The following ELMO1 variants were observed in gnomAD, a reference collection of about 807,000 sequenced individuals.
The protein encoded by ELMO1 is engulfment and cell motility protein 1.
A neutral mutation model predicts 98.9 loss-of-function variants in ELMO1; 26 were observed. The observed-to-expected ratio is 0.26, with a 90% confidence interval of 0.19 to 0.36. The LOEUF (loss-of-function observed/expected upper bound fraction) is 0.36, where lower values mean the gene tolerates loss of function less well. ELMO1 is among the 10% of genes least tolerant of loss of function. ELMO1 has a pLI of 1.00. For missense variants in ELMO1, 627 were observed against 935.2 expected, an observed-to-expected ratio of 0.67 and a Z score of 4.30; for synonymous variants, 346 against 346.0, an observed-to-expected ratio of 1.00 and a Z score of 0.00.
chr7:37,171,476 CCTTT>C (rs977932077), intron 13 of ELMO1, among the ~76,000 whole-genome samples: 1 of 108,320 alleles, frequency 9.2e-6, no homozygotes, highest in African/African-American at 3.2e-5. Flanking sequence ...TGTAACCAGG[CCTTT>C]CTATTTTTTT....
intron 1 of ELMO1, among the ~76,000 whole-genome samples, chr7:37,409,846 T>C (rs1803922777): frequency 6.6e-6 from 1 of 152,216 alleles, no homozygotes. Context: ...TATTGCTAGA[T>C]GGCAGGAGTT....
intron 15 of ELMO1, among the ~76,000 whole-genome samples, chr7:37,033,914 ACT>A (rs1433300954): frequency 1.3e-5 from 2 of 152,108 alleles, no homozygotes; most frequent in African/African-American, 2.4e-5. Context: ...TTAGCTAGTA[ACT>A]CTCTCAATTA....
At chr7:37,188,151 T>C (rs910164433) in intron 13 of ELMO1, among the ~76,000 whole-genome samples, 10 of 152,056 alleles carry the variant, frequency 6.6e-5, no homozygotes, top group Non-Finnish European at 1.2e-4. Flanking sequence ...AATAACTTTT[T>C]AAAGAGAGGA....
chr7:37,240,712 C>A (rs1223463825), intron 7 of ELMO1, among the ~76,000 whole-genome samples: 1 of 152,126 alleles, frequency 6.6e-6, no homozygotes, highest in Non-Finnish European at 1.5e-5. Flanking sequence ...ATAATTTCAA[C>A]TGAGTTATTC....
At chr7:37,086,108 C>T (rs1004596541) in intron 15 of ELMO1, among the ~76,000 whole-genome samples, 3 of 152,210 alleles carry the variant, frequency 2.0e-5, no homozygotes, top group African/African-American at 7.2e-5. Context: ...GACACCACTT[C>T]CAGATGGAGC....
chr7:37,023,872 C>T (rs973052436), intron 15 of ELMO1, among the ~76,000 whole-genome samples: 1 of 152,166 alleles, frequency 6.6e-6, no homozygotes, highest in African/African-American at 2.4e-5. Flanking sequence ...GCATGAGCCA[C>T]CGGCCTATGA....
chr7:37,377,522 C>T (rs137962375), intron 1 of ELMO1, among the ~76,000 whole-genome samples: 12 of 152,214 alleles, frequency 7.9e-5, no homozygotes, highest in East Asian at 5.8e-4. Flanking sequence ...CCCCTCTCAA[C>T]GCTCTCTGGT....
intron 16 of ELMO1, among the ~76,000 whole-genome samples, chr7:36,977,667 C>T (rs1322372885): frequency 6.6e-6 from 1 of 152,238 alleles, no homozygotes. Flanking sequence ...AGGATAGCTA[C>T]ACCTCTTGAA....
intron 14 of ELMO1, among the ~76,000 whole-genome samples, chr7:37,119,304 C>T (rs1462903682): frequency 6.6e-6 from 1 of 152,182 alleles, no homozygotes; most frequent in Non-Finnish European, 1.5e-5. Context: ...TCTTTATCTT[C>T]CCATGTCTGG....
At chr7:37,305,378 G>A (rs377655374) in intron 4 of ELMO1, among the ~76,000 whole-genome samples, 28 of 152,038 alleles carry the variant, frequency 1.8e-4, no homozygotes, top group South Asian at 8.3e-4. Context: ...GGGACCAGAC[G>A]GTCTCTGTTC....
intron 16 of ELMO1, among the ~76,000 whole-genome samples, chr7:36,901,558 G>A (rs777619815): frequency 1.2e-4 from 18 of 152,204 alleles, no homozygotes; most frequent in Non-Finnish European, 1.9e-4. Flanking sequence ...GCCTGCAGCA[G>A]TAGCTTGCCA....
At chr7:37,087,204 T>C (rs1783836128) in intron 15 of ELMO1, among the ~76,000 whole-genome samples, 1 of 152,224 alleles carries the variant, frequency 6.6e-6, no homozygotes, top group African/African-American at 2.4e-5. Flanking sequence ...CCACATTAGC[T>C]TATCCTTTGC....
intron 16 of ELMO1, among the ~76,000 whole-genome samples, chr7:37,001,024 G>A (rs1038466192): frequency 2.6e-5 from 4 of 151,774 alleles, no homozygotes; most frequent in African/African-American, 9.7e-5. Flanking sequence ...AGTTTCTTTT[G>A]CAAAAGTTCA....
At chr7:36,884,792 G>A (rs561253419) in intron 18 of ELMO1, among the ~76,000 whole-genome samples, 5 of 152,288 alleles carry the variant, frequency 3.3e-5, no homozygotes, top group African/African-American at 1.2e-4. Flanking sequence ...GGAGCTGTAA[G>A]TTCTTTCATA....
chr7:37,430,806 T>C (rs1197713239), intron 1 of ELMO1, among the ~76,000 whole-genome samples: 3 of 152,224 alleles, frequency 2.0e-5, no homozygotes, highest in Non-Finnish European at 4.4e-5. Context: ...TTTCCATCTA[T>C]ACAAGAGGAA....
At chr7:37,357,023 GACCA>G (rs1351744798) in intron 1 of ELMO1, among the ~76,000 whole-genome samples, 1 of 152,062 alleles carries the variant, frequency 6.6e-6, no homozygotes, top group Non-Finnish European at 1.5e-5. Flanking sequence ...TACACAGACA[GACCA>G]ATAAGAATCT....
At chr7:37,350,450 A>G (rs1445795274) in intron 1 of ELMO1, among the ~76,000 whole-genome samples, 2 of 152,216 alleles carry the variant, frequency 1.3e-5, no homozygotes, top group African/African-American at 2.4e-5. Context: ...AGCTGCCAGA[A>G]GGAGTGGCAG....
intron 16 of ELMO1, among the ~76,000 whole-genome samples, chr7:37,008,583 C>G (rs1404128580): frequency 6.6e-6 from 1 of 152,134 alleles, no homozygotes; most frequent in East Asian, 1.9e-4. Context: ...AAAGAACACT[C>G]CACAACTACA....
At chr7:37,320,995 AT>A (rs997125848) in intron 2 of ELMO1, among the ~76,000 whole-genome samples, 1 of 152,232 alleles carries the variant, frequency 6.6e-6, no homozygotes, top group Admixed American at 6.5e-5. Context: ...TAGGCAATTC[AT>A]GGCTTGGAAG....
Sources: gnomAD v4.1 joint callset for allele counts (sites outside exome capture counted in the v4.1 genomes callset) on GRCh38, gnomAD v4.1.1 for gene constraint, MANE v1.5 for transcripts, NCBI Gene and HGNC (gene_info 2026-07-23, HGNC 2026-07-21) for gene names.